Variants in RANBP2 observed in about 807,000 individuals in gnomAD.
The protein encoded by RANBP2 is E3 SUMO-protein ligase RanBP2.
In RANBP2, 57 loss-of-function variants were observed where a neutral mutation model predicts 303.6. The observed-to-expected ratio is 0.19, with a 90% CI of 0.15 to 0.23. The LOEUF (loss-of-function observed/expected upper bound fraction) is 0.23, where lower values mean the gene tolerates loss of function less well. Among genes scored for constraint, RANBP2 ranks in the 10% least tolerant of loss-of-function variants. RANBP2 has a pLI of 1.00. For missense variants in RANBP2, 3,138 were observed against 3,780.8 expected (o/e 0.83, Z 4.46); for synonymous variants, 1,167 against 1,301.5 (o/e 0.90, Z 2.23).
At chr2:109,774,532 T>TATTATATATATAATATAATATATA in the RANBP2 span, among the ~76,000 whole-genome samples, 3 of 91,686 alleles carry the variant, frequency 3.3e-5, no homozygotes, top group African/African-American at 1.7e-4. Context: ...TTATATATAT[T>TATTATATATATAATATAATATATA]ATATATAAAA....
the RANBP2 span, among the ~76,000 whole-genome samples, chr2:108,989,814 T>TTG: frequency 9.0e-6 from 1 of 110,898 alleles, no homozygotes; most frequent in Non-Finnish European, 2.3e-5. Flanking sequence ...AAGTAAATGA[T>TTG]TGGGGGGGGG....
the RANBP2 span, among the ~76,000 whole-genome samples, chr2:108,825,263 G>A: frequency 9.6e-6 from 1 of 103,824 alleles, no homozygotes; most frequent in Non-Finnish European, 2.4e-5. Flanking sequence ...TTTTTGTTCT[G>A]GTGGTGGGTT....
At chr2:109,388,666 A>G in the RANBP2 span, among the ~76,000 whole-genome samples, 1 of 152,226 alleles carries the variant, frequency 6.6e-6, no homozygotes, top group Admixed American at 6.5e-5. Flanking sequence ...TTTATCGAGC[A>G]TGTACTTTGC....
chr2:109,385,021 C>A, the RANBP2 span, among the ~76,000 whole-genome samples: 1 of 152,242 alleles, frequency 6.6e-6, no homozygotes, highest in African/African-American at 2.4e-5. Context: ...AGCCTCACAC[C>A]CTCCCTGCAT....
the RANBP2 span, among the ~76,000 whole-genome samples, chr2:109,411,470 C>T: frequency 9.5e-4 from 145 of 152,302 alleles, 1 homozygote; most frequent in African/African-American, 3.4e-3. Flanking sequence ...AGTGGGAGGA[C>T]CCCTGACCCC....
chr2:109,196,634 T>G, the RANBP2 span, among the ~76,000 whole-genome samples: 1 of 152,152 alleles, frequency 6.6e-6, no homozygotes, highest in African/African-American at 2.4e-5. Flanking sequence ...GCGCTGTGGT[T>G]GCGGCTGTAC....
At chr2:109,729,236 T>C in the RANBP2 span, among the ~76,000 whole-genome samples, 2 of 152,198 alleles carry the variant, frequency 1.3e-5, no homozygotes, top group African/African-American at 4.8e-5. Flanking sequence ...ATTTTGTAGA[T>C]GGGTTGAAAA....
At chr2:109,271,080 C>T in the RANBP2 span, among the ~76,000 whole-genome samples, 11 of 152,098 alleles carry the variant, frequency 7.2e-5, no homozygotes, top group East Asian at 1.9e-3. Context: ...AGTGTTGATC[C>T]ATTCCACCCC....
At chr2:108,739,144 T>G (rs1695862449) in intron 6 of RANBP2, among the ~76,000 whole-genome samples, 1 of 152,008 alleles carries the variant, frequency 6.6e-6, no homozygotes, top group South Asian at 2.1e-4. Flanking sequence ...GGCTCAGCCC[T>G]GTAATCCCAG....
the RANBP2 span, among the ~76,000 whole-genome samples, chr2:109,574,943 A>G: frequency 1.3e-5 from 2 of 152,228 alleles, no homozygotes; most frequent in Non-Finnish European, 2.9e-5. Context: ...AAAGCTATAC[A>G]AATGCTTCTC....
At chr2:109,063,800 G>GA in the RANBP2 span, among the ~76,000 whole-genome samples, 850 of 133,366 alleles carry the variant, frequency 6.4e-3, 3 homozygotes, top group Middle Eastern at 0.027. Context: ...GCAAGTAATA[G>GA]AAAAAAAAAA....
the RANBP2 span, among the ~76,000 whole-genome samples, chr2:108,815,026 T>G: frequency 6.6e-6 from 1 of 152,188 alleles, no homozygotes; most frequent in African/African-American, 2.4e-5. Flanking sequence ...TGAATTAAAT[T>G]AGAAATGTGT....
the RANBP2 span, among the ~76,000 whole-genome samples, chr2:109,609,453 C>T: frequency 6.6e-6 from 1 of 151,848 alleles, no homozygotes; most frequent in Admixed American, 6.6e-5. Flanking sequence ...GGAGGTACTG[C>T]AAGGTAGCAT....
the RANBP2 span, among the ~76,000 whole-genome samples, chr2:109,031,042 A>G: frequency 2.0e-5 from 3 of 152,204 alleles, no homozygotes; most frequent in Non-Finnish European, 4.4e-5. Flanking sequence ...ATGGTAAGAC[A>G]CGGAGCGCTC....
the RANBP2 span, among the ~76,000 whole-genome samples, chr2:109,164,715 A>G: frequency 2.0e-5 from 3 of 152,204 alleles, no homozygotes; most frequent in Non-Finnish European, 4.4e-5. Flanking sequence ...ATGATCAATC[A>G]GGCTACCAAT....
chr2:109,104,888 C>T, the RANBP2 span, among the ~76,000 whole-genome samples: 1 of 152,168 alleles, frequency 6.6e-6, no homozygotes, highest in Non-Finnish European at 1.5e-5. Flanking sequence ...GCTTTGTGTA[C>T]ATCAACTCAT....
At chr2:109,623,328 G>T in the RANBP2 span, among the ~76,000 whole-genome samples, 2 of 152,082 alleles carry the variant, frequency 1.3e-5, no homozygotes, top group Non-Finnish European at 2.9e-5. Context: ...GTCCCTCTCT[G>T]GTGCACCACC....
chr2:108,918,432 G>C, the RANBP2 span, among the ~76,000 whole-genome samples: 1 of 152,206 alleles, frequency 6.6e-6, no homozygotes, highest in African/African-American at 2.4e-5. Context: ...GTTTCTGTTG[G>C]GTGGCCAACT....
At chr2:109,580,278 A>T in the RANBP2 span, among the ~76,000 whole-genome samples, 1 of 151,882 alleles carries the variant, frequency 6.6e-6, no homozygotes, top group African/African-American at 2.4e-5. Context: ...ATTTGCCAAT[A>T]AAAAAATCAG....
Sources: gnomAD v4.1 joint callset for allele counts (sites outside exome capture counted in the v4.1 genomes callset) on GRCh38, gnomAD v4.1.1 for gene constraint, MANE v1.5 for transcripts, NCBI Gene and HGNC (gene_info 2026-07-23, HGNC 2026-07-21) for gene names.